IARS2: variants seen among roughly 807,000 people sequenced by gnomAD.
The protein encoded by IARS2 is isoleucyl-tRNA synthetase 2, mitochondrial.
IARS2 carries 56 observed loss-of-function variants against 126.3 expected under a neutral mutation model. That is an observed-to-expected ratio of 0.44 (90% CI 0.36 to 0.55). The LOEUF (loss-of-function observed/expected upper bound fraction) is 0.55, where lower values mean the gene tolerates loss of function less well. IARS2 is among the 20% of genes least tolerant of loss of function. The probability of loss-of-function intolerance (pLI) is 0.00; values close to 1 mark genes in which losing one functional copy is unlikely to be tolerated. For missense variants in IARS2, 1,127 were observed against 1,245.9 expected, an observed-to-expected ratio of 0.90 and a Z score of 1.44; for synonymous variants, 407 against 441.1, an observed-to-expected ratio of 0.92 and a Z score of 0.97.
intron 1 of IARS2, among the ~76,000 whole-genome samples, chr1:220,094,840 T>C (rs1656403292): frequency 6.6e-6 from 1 of 152,022 alleles, no homozygotes; most frequent in Non-Finnish European, 1.5e-5. Flanking sequence ...CATGTCCACA[T>C]GTAAATAAAA....
intron 19 of IARS2, among the ~76,000 whole-genome samples, chr1:220,140,948 C>A (rs1657477256): frequency 6.9e-6 from 1 of 144,092 alleles, no homozygotes; most frequent in South Asian, 2.2e-4. Flanking sequence ...CGTGACACTG[C>A]ACTTCAGCCT....
chr1:220,147,990 A>ACTC lies in IARS2; in HGVS notation c.*356_*358dup, dbSNP rs1470450918. The ACTC allele has an allele frequency of 5.1e-6, 2 of 388,810 alleles. No homozygotes were observed. The highest frequency in any genetic ancestry group is 2.1e-5 in the African/African-American group (1 of 48,398). The allele number at this position is 388,810 out of a possible 1,614,324, so 24.1% of individuals were successfully genotyped here. ...TTTATATTTTATAAATCATCTTTTG[A>ACTC]CTCTGTATTTAAATTCTATGATACT... On this transcript the variant is annotated 3_prime_UTR_variant, in exon 23 of 23. Coordinates refer to ENST00000366922, the MANE Select transcript of IARS2 (RefSeq NM_018060.4).
In IARS2 at chr1:220,139,798, A is replaced by C. The variant is rs1345191222; in HGVS notation, c.2308-385A>C. Among the ~76,000 whole-genome samples, 5 of 152,212 alleles carry C rather than the reference A, an allele frequency of 3.3e-5. No individual in the cohort carries two copies. The East Asian group carries it at 9.6e-4, about 29-fold the overall frequency. On this transcript the variant is annotated intron_variant, in intron 18 of 22. Coordinates refer to ENST00000366922, the MANE Select transcript of IARS2 (RefSeq NM_018060.4). ...TCATAATTGGAAATGTGTTTGCATT[A>C]GTGTACCCTTAAGTCAGAGGTGTAC...
At chr1:220,126,961 A>G (rs769833497) in intron 14 of IARS2, 118 bp downstream of exon 14, 5 of 695,826 alleles carry the variant, frequency 7.2e-6, no homozygotes, top group South Asian at 2.0e-5. Context: ...GAGATCTGCT[A>G]TATTTTAGAC....
intron 1 of IARS2, among the ~76,000 whole-genome samples, chr1:220,095,358 G>T (rs1656416917): frequency 6.6e-6 from 1 of 152,304 alleles, no homozygotes; most frequent in African/African-American, 2.4e-5. Flanking sequence ...CTTTCTAAGA[G>T]CAGAGATTCC....
At position 220,147,363 on chromosome 1, in the gene IARS2, G is replaced by A. The variant is rs1013586220; in HGVS notation, c.2897-130G>A. The A allele has an allele frequency of 1.3e-5, 10 of 785,332 alleles. No individual in the cohort carries two copies. The African/African-American group carries it at 1.6e-4, about 12-fold the overall frequency. 48.6% of individuals were successfully genotyped at this position (785,332 alleles called of 1,614,324 possible). Reference sequence around the variant, plus strand: ...TGGCTATATATGTAATGGGACAAATGGGGAAGTGTCTGACAAGCTTTACCA... The same window carrying A: ...TGGCTATATATGTAATGGGACAAATAGGGAAGTGTCTGACAAGCTTTACCA... On this transcript the variant is annotated intron_variant, in intron 22 of 22. Coordinates refer to ENST00000366922, the MANE Select transcript of IARS2 (RefSeq NM_018060.4).
At chr1:220,144,454 A>C in intron 21 of IARS2, 1 of 497,924 alleles carries the variant, frequency 2.0e-6, no homozygotes, top group South Asian at 2.7e-5. Context: ...AGCTCAATTT[A>C]AATTTTTAAT....
intron 2 of IARS2, among the ~76,000 whole-genome samples, chr1:220,097,957 C>T (rs957494805): frequency 6.6e-6 from 1 of 152,086 alleles, no homozygotes; most frequent in African/African-American, 2.4e-5. Flanking sequence ...TCACTGCAAG[C>T]TCCGTCTCCC....
At chr1:220,103,684 C>T (rs1656627187) in intron 8 of IARS2, 122 bp downstream of exon 8, 1 of 593,436 alleles carries the variant, frequency 1.7e-6, no homozygotes. Flanking sequence ...TTCTAGAATA[C>T]ATTTTACATT....
At chr1:220,129,747 A>G (rs913235303) in intron 14 of IARS2, among the ~76,000 whole-genome samples, 5 of 152,222 alleles carry the variant, frequency 3.3e-5, no homozygotes, top group African/African-American at 9.6e-5. Flanking sequence ...TTCTTTATCC[A>G]TTCATCTTTG....
intron 7 of IARS2, among the ~76,000 whole-genome samples, 199 bp downstream of exon 7, chr1:220,102,976 A>G (rs575412689): frequency 6.6e-6 from 1 of 152,328 alleles, no homozygotes; most frequent in East Asian, 1.9e-4. Context: ...AAAATGAAAT[A>G]GAAGTATAAG....
At chr1:220,115,514 C>T (rs1353111022) in intron 12 of IARS2, among the ~76,000 whole-genome samples, 3 of 152,108 alleles carry the variant, frequency 2.0e-5, no homozygotes, top group South Asian at 2.1e-4. Context: ...GAGCCAAGAT[C>T]GTGCCACTGG....
At chr1:220,114,546 T>G in intron 12 of IARS2, 72 bp downstream of exon 12, 1 of 1,186,702 alleles carries the variant, frequency 8.4e-7, no homozygotes, top group East Asian at 2.3e-5. Context: ...AAAAATAATG[T>G]GGATGATTAA....
intron 12 of IARS2, among the ~76,000 whole-genome samples, chr1:220,122,493 A>G (rs1366142775): frequency 6.6e-6 from 1 of 152,216 alleles, no homozygotes; most frequent in Non-Finnish European, 1.5e-5. Flanking sequence ...TGAGTTAGAG[A>G]GGCAGAATAA....
At chr1:220,136,634 CAAAAAAAAA>C (rs775927970) in intron 15 of IARS2, among the ~76,000 whole-genome samples, 166 bp from the exon 16 acceptor site, 3 of 63,126 alleles carry the variant, frequency 4.8e-5, no homozygotes, top group Non-Finnish European at 9.6e-5. Flanking sequence ...GACTCCATCT[CAAAAAAAAA>C]AAAAAAAAAA....
chr1:220,134,021 CTG>C (rs1401659285), intron 14 of IARS2, among the ~76,000 whole-genome samples: 1 of 151,218 alleles, frequency 6.6e-6, no homozygotes, highest in Non-Finnish European at 1.5e-5. Context: ...AGTTCTTGTT[CTG>C]TGTCTTTCAT....
At chr1:220,127,836 A>G (rs1657184713) in intron 14 of IARS2, among the ~76,000 whole-genome samples, 1 of 152,240 alleles carries the variant, frequency 6.6e-6, no homozygotes. Flanking sequence ...GTGCGTAATA[A>G]TAATGGCCAA....
At position 220,140,179 on chromosome 1, in the gene IARS2, C is replaced by T. The variant is rs536688309; in HGVS notation, c.2308-4C>T. On this transcript the variant is annotated splice_region_variant and splice_polypyrimidine_tract_variant and intron_variant, in intron 18 of 22. Transcript: ENST00000366922. ...TCCAAATTTATTTTGGCTTTGTTCC[C>T]TAGATTACCGAATTATACAAACAAT... 6.3e-7 allele frequency: 1 copy of T among 1,586,964 alleles called. No homozygotes were observed. The highest frequency in any genetic ancestry group is 1.1e-5 in the South Asian group (1 of 90,316).
chr1:220,124,571 G>A (rs1571856640), intron 12 of IARS2, among the ~76,000 whole-genome samples: 4 of 152,310 alleles, frequency 2.6e-5, no homozygotes, highest in Admixed American at 2.6e-4. Flanking sequence ...AGAAGGGAAA[G>A]CTAGGTCTTA....
Sources: allele counts gnomAD v4.1 joint callset (sites outside exome capture counted in the v4.1 genomes callset), GRCh38; gene constraint gnomAD v4.1.1; transcripts MANE v1.5; gene names NCBI Gene and HGNC (gene_info 2026-07-23, HGNC 2026-07-21).